IMMP2L: variants seen among roughly 807,000 people sequenced by gnomAD.
IMMP2L encodes the protein inner mitochondrial membrane peptidase subunit 2, also known as mitochondrial inner membrane protease subunit 2.
Under a neutral mutation model 19.3 loss-of-function variants are expected in IMMP2L, and 18 were observed. That is an observed-to-expected ratio of 0.93 (90% CI 0.64 to 1.38). The LOEUF (loss-of-function observed/expected upper bound fraction) is 1.38. Among genes scored for constraint, IMMP2L ranks in the 40% most tolerant of loss-of-function variants. IMMP2L has a pLI of 0.00. For synonymous variants in IMMP2L, 76 were observed against 73.0 expected (o/e 1.04, Z -0.21); for missense variants, 233 against 218.2 (o/e 1.07, Z -0.43).
intron 3 of IMMP2L, among the ~76,000 whole-genome samples, chr7:111,051,871 T>A (rs185683855): frequency 7.5e-4 from 114 of 152,284 alleles, no homozygotes; most frequent in Middle Eastern, 3.4e-3. Flanking sequence ...ATTTTAAGCC[T>A]CCAACTGACT....
intron 3 of IMMP2L, among the ~76,000 whole-genome samples, chr7:111,198,209 T>C (rs1378307465): frequency 6.6e-6 from 1 of 152,148 alleles, no homozygotes; most frequent in Non-Finnish European, 1.5e-5. Flanking sequence ...AAAAATGCTC[T>C]CTCTAGTCTG....
Position 111,538,033 on chromosome 7 carries a change from G to A in IMMP2L, c.-2-16584C>T, listed in dbSNP as rs115196711. Among the ~76,000 whole-genome samples the A allele has an allele frequency of 9.0e-3, 1,364 of 152,026 alleles. 24 individuals are homozygous for A. Among genetic ancestry groups the A allele is most frequent in the African/African-American group, 0.031 (1,301 of 41,452 alleles). On this transcript the variant is annotated intron_variant, in intron 1 of 5. Coordinates refer to ENST00000405709, the MANE Select transcript of IMMP2L (RefSeq NM_032549.4). Reference sequence around the variant, plus strand: ...ATGTCACTATCAGGAAGTCCACTCCGACTCTCCAAATCTGACTTAGATTTC... The same window carrying A: ...ATGTCACTATCAGGAAGTCCACTCCAACTCTCCAAATCTGACTTAGATTTC...
At chr7:111,222,585 G>A (rs981171173) in intron 3 of IMMP2L, among the ~76,000 whole-genome samples, 2 of 151,912 alleles carry the variant, frequency 1.3e-5, no homozygotes, top group Admixed American at 6.6e-5. Context: ...AGCCTCAGTA[G>A]TAATCAGGGA....
At chr7:110,805,027 T>C (rs1384246935) in intron 5 of IMMP2L, among the ~76,000 whole-genome samples, 1 of 152,134 alleles carries the variant, frequency 6.6e-6, no homozygotes, top group Non-Finnish European at 1.5e-5. Flanking sequence ...TTCACGATAC[T>C]GAACTGCCTG....
chr7:110,930,056 G>C (rs888721444), intron 4 of IMMP2L, among the ~76,000 whole-genome samples: 9 of 152,146 alleles, frequency 5.9e-5, no homozygotes, highest in Admixed American at 1.3e-4. Flanking sequence ...TGAGTATACT[G>C]TGCTTAATCA....
intron 3 of IMMP2L, among the ~76,000 whole-genome samples, chr7:111,083,887 G>A (rs1379767526): frequency 6.6e-6 from 1 of 152,026 alleles, no homozygotes; most frequent in Non-Finnish European, 1.5e-5. Context: ...GATAGCTCAA[G>A]GAAAATCATT....
At chr7:111,424,167 G>A (rs1167450758) in intron 3 of IMMP2L, among the ~76,000 whole-genome samples, 1 of 151,786 alleles carries the variant, frequency 6.6e-6, no homozygotes, top group Non-Finnish European at 1.5e-5. Context: ...TAATGTTTAC[G>A]AATGCAAACA....
intron 3 of IMMP2L, among the ~76,000 whole-genome samples, chr7:111,199,360 C>G (rs1046211341): frequency 1.3e-5 from 2 of 152,088 alleles, no homozygotes; most frequent in Non-Finnish European, 1.5e-5. Context: ...CCTTCACACA[C>G]TGTCAGCAAT....
intron 3 of IMMP2L, among the ~76,000 whole-genome samples, chr7:111,393,198 C>G (rs893612709): frequency 6.6e-6 from 1 of 152,014 alleles, no homozygotes; most frequent in African/African-American, 2.4e-5. Context: ...AAAAGATGCT[C>G]TCATCACCCT....
intron 2 of IMMP2L, among the ~76,000 whole-genome samples, chr7:111,518,224 G>A (rs1483414273): frequency 1.3e-5 from 2 of 152,008 alleles, no homozygotes; most frequent in Admixed American, 6.6e-5. Context: ...TTAAAAACAT[G>A]CTTCCCCTAA....
At chr7:110,849,016 A>G (rs1485265439) in intron 5 of IMMP2L, among the ~76,000 whole-genome samples, 1 of 152,106 alleles carries the variant, frequency 6.6e-6, no homozygotes, top group Non-Finnish European at 1.5e-5. Context: ...TGCATTTGTC[A>G]AACCCATAGA....
At chr7:111,259,012 G>C (rs1269825097) in intron 3 of IMMP2L, among the ~76,000 whole-genome samples, 1 of 151,960 alleles carries the variant, frequency 6.6e-6, no homozygotes, top group Non-Finnish European at 1.5e-5. Context: ...ATAGCCTATT[G>C]CTCCTAGGCT....
At chr7:111,101,639 GT>G (rs1482667002) in intron 3 of IMMP2L, among the ~76,000 whole-genome samples, 56 of 151,464 alleles carry the variant, frequency 3.7e-4, no homozygotes, top group African/African-American at 1.3e-3. Flanking sequence ...TATATTTCCT[GT>G]GAAATATACA....
At chr7:111,183,429 C>A (rs991062869) in intron 3 of IMMP2L, among the ~76,000 whole-genome samples, 3 of 152,012 alleles carry the variant, frequency 2.0e-5, no homozygotes, top group Non-Finnish European at 4.4e-5. Flanking sequence ...AATTGGCAAG[C>A]TCAGTAAGGA....
chr7:111,030,757 G>C (rs1472239899), intron 3 of IMMP2L, among the ~76,000 whole-genome samples: 1 of 151,624 alleles, frequency 6.6e-6, no homozygotes, highest in Non-Finnish European at 1.5e-5. Context: ...AATGCATACA[G>C]TAGGAACAAT....
intron 3 of IMMP2L, among the ~76,000 whole-genome samples, chr7:111,021,431 G>A (rs12333853): frequency 0.024 from 3,664 of 152,248 alleles, 137 homozygotes; most frequent in African/African-American, 0.084. Context: ...AGGCATATCC[G>A]AGACTGGGTA....
intron 3 of IMMP2L, among the ~76,000 whole-genome samples, chr7:111,195,996 G>C (rs893176856): frequency 7.9e-5 from 12 of 151,914 alleles, no homozygotes; most frequent in Admixed American, 6.6e-4. Context: ...CCTCCAAGCA[G>C]CTAGTACCAC....
intron 5 of IMMP2L, among the ~76,000 whole-genome samples, chr7:110,730,532 CTTTTTT>C (rs566137083): frequency 7.0e-6 from 1 of 143,828 alleles, no homozygotes; most frequent in Non-Finnish European, 1.5e-5. Context: ...TTTTCTTTTT[CTTTTTT>C]TTTTTTTTGA....
chr7:110,900,593 G>A (rs1403334994), intron 4 of IMMP2L, among the ~76,000 whole-genome samples: 1 of 152,104 alleles, frequency 6.6e-6, no homozygotes, highest in Non-Finnish European at 1.5e-5. Context: ...TCCCATCACA[G>A]TTAAAATAAA....
Sources: gnomAD v4.1 joint callset for allele counts (sites outside exome capture counted in the v4.1 genomes callset) on GRCh38, gnomAD v4.1.1 for gene constraint, MANE v1.5 for transcripts, NCBI Gene and HGNC (gene_info 2026-07-23, HGNC 2026-07-21) for gene names.